IGF1: variants seen among roughly 807,000 people sequenced by gnomAD.
IGF1 encodes the protein insulin like growth factor 1.
A neutral mutation model predicts 13.8 loss-of-function variants in IGF1; 4 were observed. That is an observed-to-expected ratio of 0.29 (90% CI 0.14 to 0.66). The LOEUF (loss-of-function observed/expected upper bound fraction) is 0.66. IGF1 is among the 30% of genes least tolerant of loss of function. IGF1 has a pLI of 0.78. For missense variants in IGF1, 124 were observed against 188.5 expected (o/e 0.66, Z 2.00); for synonymous variants, 76 against 72.6 (o/e 1.05, Z -0.23).
At chr12:102,455,894 G>A (rs1005272658) in intron 2 of IGF1, among the ~76,000 whole-genome samples, 15 of 152,206 alleles carry the variant, frequency 9.9e-5, no homozygotes, top group Admixed American at 2.0e-4. Context: ...TTAACCATAT[G>A]TAAAGAGTTG....
intron 2 of IGF1, chr12:102,462,868 G>C (rs1880019878): frequency 6.6e-6 from 1 of 152,198 alleles, no homozygotes; most frequent in Non-Finnish European, 1.5e-5. Flanking sequence ...CCCTTTAATA[G>C]AGAACATTTG....
intron 1 of IGF1, among the ~76,000 whole-genome samples, chr12:102,478,087 TTAGTG>T (rs1279395725): frequency 6.6e-6 from 1 of 151,786 alleles, no homozygotes; most frequent in Non-Finnish European, 1.5e-5. Flanking sequence ...GCATTTTCCT[TTAGTG>T]TAGGGAACAG....
At chr12:102,408,808 A>G (rs1032850802) in intron 3 of IGF1, among the ~76,000 whole-genome samples, 10 of 152,082 alleles carry the variant, frequency 6.6e-5, no homozygotes, top group Admixed American at 6.5e-4. Flanking sequence ...CTTTCCTTAG[A>G]CCATAGACCC....
chr12:102,430,919 A>G (rs991773007), intron 2 of IGF1, among the ~76,000 whole-genome samples: 4 of 152,120 alleles, frequency 2.6e-5, no homozygotes, highest in African/African-American at 9.7e-5. Flanking sequence ...CTTTTGCCAC[A>G]TCTTTTTTCT....
intron 2 of IGF1, among the ~76,000 whole-genome samples, chr12:102,453,927 T>G (rs1879165663): frequency 6.6e-6 from 1 of 152,250 alleles, no homozygotes; most frequent in East Asian, 1.9e-4. Flanking sequence ...CAGAGTTGTT[T>G]GGTGATTCAG....
At chr12:102,444,427 G>C (rs1407385623) in intron 2 of IGF1, among the ~76,000 whole-genome samples, 1 of 151,990 alleles carries the variant, frequency 6.6e-6, no homozygotes, top group Non-Finnish European at 1.5e-5. Context: ...ATCAGGAAAT[G>C]AAAGCATTCT....
Position 102,452,223 on chromosome 12 carries a change from C to A in IGF1, c.220+23420G>T, listed in dbSNP as rs568737402. ...CTTGCAGTGAGCCGAGATCGCGCCA[C>A]TGCACTCCAGCCTGGGCGACAGAGC... On this transcript the variant is annotated intron_variant, in intron 2 of 3. Coordinates refer to ENST00000337514, the MANE Select transcript of IGF1 (RefSeq NM_000618.5). Among the ~76,000 whole-genome samples, 143 of 125,472 alleles carry A rather than the reference C, an allele frequency of 1.1e-3. 1 individual carries two copies. Among genetic ancestry groups the A allele is most frequent in the African/African-American group, 4.3e-3 (142 of 32,830 alleles). 82.3% of individuals were successfully genotyped at this position (125,472 alleles called of 152,430 possible).
chr12:102,444,737 C>T (rs7136446), intron 2 of IGF1, among the ~76,000 whole-genome samples: 100,684 of 151,892 alleles, frequency 0.66, 33,964 homozygotes, highest in East Asian at 0.83. Flanking sequence ...CCCTAAGTGC[C>T]GCGTAGTATG....
intron 2 of IGF1, among the ~76,000 whole-genome samples, chr12:102,474,282 C>T (rs1337506175): frequency 2.0e-5 from 3 of 152,224 alleles, no homozygotes; most frequent in African/African-American, 7.2e-5. Flanking sequence ...GATAGAATTG[C>T]TTTATTGCCA....
chr12:102,462,031 G>T (rs1016404467), intron 2 of IGF1, among the ~76,000 whole-genome samples: 2 of 152,140 alleles, frequency 1.3e-5, no homozygotes, highest in African/African-American at 4.8e-5. Context: ...TGCAGATTTT[G>T]ATTTAATTGG....
At chr12:102,456,566 C>T (rs772633189) in intron 2 of IGF1, among the ~76,000 whole-genome samples, 45 of 151,962 alleles carry the variant, frequency 3.0e-4, no homozygotes, top group Admixed American at 9.2e-4. Context: ...TTCTCTTTGG[C>T]GTTCCATGCT....
chr12:102,417,626 T>G, intron 3 of IGF1: 1 of 1,354,924 alleles, frequency 7.4e-7, no homozygotes, highest in Admixed American at 3.9e-5. Flanking sequence ...GGGCATTACA[T>G]TTTTCTTTTC....
At position 102,458,624 on chromosome 12, in the gene IGF1, G is replaced by A. The variant is rs949469424; in HGVS notation, c.220+17019C>T. Among the ~76,000 whole-genome samples the A allele has an allele frequency of 2.0e-5, 3 of 150,204 alleles. No individual in the cohort carries two copies. In the East Asian group the frequency reaches 6.1e-4, roughly 30 times the overall value. ...ATAACAATTAATTCCATGCAGACAT[G>A]GATAGTGCAGTGTATGAGGGAGTAA... On this transcript the variant is annotated intron_variant, in intron 2 of 3. Transcript: ENST00000337514.
intron 2 of IGF1, among the ~76,000 whole-genome samples, chr12:102,451,453 G>T (rs1878922580): frequency 6.6e-6 from 1 of 152,220 alleles, no homozygotes; most frequent in Admixed American, 6.5e-5. Flanking sequence ...TAGGCCTGTG[G>T]ACAGTGAGGC....
intron 3 of IGF1, among the ~76,000 whole-genome samples, chr12:102,415,903 G>A (rs1410713726): frequency 1.3e-5 from 2 of 152,128 alleles, no homozygotes; most frequent in Non-Finnish European, 2.9e-5. Flanking sequence ...GCTAAGGCAC[G>A]AGCCTGGCTT....
chr12:102,405,076 G>GCTTTCTTT lies in IGF1; in HGVS notation c.403-2518_403-2511dup, dbSNP rs34097393. On this transcript the variant is annotated intron_variant, in intron 3 of 3. Coordinates refer to ENST00000337514, the MANE Select transcript of IGF1 (RefSeq NM_000618.5). ...TGTTCTTAATCTTCCATTGGGTTCT[G>GCTTTCTTT]CTTTCTTTCTTTCTTTCTTTCTTTT... 2.4e-3 allele frequency among the ~76,000 whole-genome samples: 345 copies of GCTTTCTTT among 146,372 alleles called. 3 individuals are homozygous for GCTTTCTTT. In the East Asian group the frequency reaches 0.026, roughly 11 times the overall value.
chr12:102,432,984 C>T (rs1876876225), intron 2 of IGF1, among the ~76,000 whole-genome samples: 1 of 152,070 alleles, frequency 6.6e-6, no homozygotes, highest in Non-Finnish European at 1.5e-5. Context: ...ACACAGCTGC[C>T]AAGACAGCAC....
intron 2 of IGF1, among the ~76,000 whole-genome samples, chr12:102,460,837 A>G (rs887974353): frequency 6.6e-6 from 1 of 152,196 alleles, no homozygotes; most frequent in African/African-American, 2.4e-5. Flanking sequence ...GTCCAATACT[A>G]TCTTATCCTT....
intron 2 of IGF1, among the ~76,000 whole-genome samples, chr12:102,432,590 TG>T (rs1312187749): frequency 1.3e-5 from 2 of 152,224 alleles, no homozygotes; most frequent in Non-Finnish European, 2.9e-5. Context: ...ATCTTACCTG[TG>T]TCCTGTGAGT....
Sources: gnomAD v4.1 joint callset for allele counts (sites outside exome capture counted in the v4.1 genomes callset) on GRCh38, gnomAD v4.1.1 for gene constraint, MANE v1.5 for transcripts, NCBI Gene and HGNC (gene_info 2026-07-23, HGNC 2026-07-21) for gene names.